The following KRIT1 variants were observed in gnomAD, a reference collection of about 807,000 sequenced individuals.
KRIT1 encodes krev interaction trapped protein 1.
A neutral mutation model predicts 95.8 loss-of-function variants in KRIT1; 45 were observed. That is an observed-to-expected ratio of 0.47 (90% CI 0.37 to 0.60). KRIT1 has a LOEUF of 0.60. Ranked by LOEUF, KRIT1 falls within the 20% of genes least tolerant of loss-of-function variation. The pLI, the probability that KRIT1 is intolerant of heterozygous loss-of-function variation, is 0.00. For missense variants in KRIT1, 788 were observed against 877.5 expected (o/e 0.90, Z 1.29); for synonymous variants, 282 against 278.8 (o/e 1.01, Z -0.11).
intron 14 of KRIT1, among the ~76,000 whole-genome samples, chr7:92,218,694 G>T (rs1052134480): frequency 4.6e-5 from 7 of 152,066 alleles, no homozygotes; most frequent in Admixed American, 2.6e-4. Flanking sequence ...TAATTGGGTT[G>T]TTGGCCTTTT....
At chr7:92,244,845 T>C (rs2131826008) in intron 2 of KRIT1, 57 bp downstream of exon 2, 1 of 152,218 alleles carries the variant, frequency 6.6e-6, no homozygotes, top group African/African-American at 2.4e-5. Context: ...CCCTAAGTAA[T>C]AAGATCTTAT....
chr7:92,206,040 G>C (rs1227077657), intron 17 of KRIT1: 1 of 152,944 alleles, frequency 6.5e-6, no homozygotes, highest in Non-Finnish European at 1.5e-5. Flanking sequence ...TGGGCTTGGA[G>C]AGAAGCCTGC....
intron 14 of KRIT1, among the ~76,000 whole-genome samples, chr7:92,221,620 T>C (rs1795168542): frequency 6.6e-6 from 1 of 152,204 alleles, no homozygotes; most frequent in African/African-American, 2.4e-5. Context: ...TCCTAACTAG[T>C]CTAAACAATT....
At chr7:92,213,422 T>C (rs1392985553) in intron 16 of KRIT1, 21 bp from the exon 17 acceptor site, 2 of 1,525,634 alleles carry the variant, frequency 1.3e-6, no homozygotes, top group South Asian at 1.1e-5. Flanking sequence ...ACAAGGTAAA[T>C]TAAAAATAAA....
intron 15 of KRIT1, among the ~76,000 whole-genome samples, chr7:92,214,281 A>G (rs1030028567): frequency 2.0e-5 from 3 of 152,068 alleles, no homozygotes; most frequent in Non-Finnish European, 2.9e-5. Context: ...ACATAAAACT[A>G]GTTTTTATGG....
chr7:92,216,192 G>A (rs1483831490), intron 14 of KRIT1, among the ~76,000 whole-genome samples: 4 of 145,822 alleles, frequency 2.7e-5, no homozygotes, highest in African/African-American at 7.6e-5. Context: ...TTGCACCAGT[G>A]CACTCCAGCC....
intron 17 of KRIT1, among the ~76,000 whole-genome samples, chr7:92,210,073 A>C (rs1283169229): frequency 6.6e-6 from 1 of 152,210 alleles, no homozygotes; most frequent in Non-Finnish European, 1.5e-5. Flanking sequence ...ACTCTATCTC[A>C]AAATCAATCA....
rs1335478074 is a variant in KRIT1, at chr7:92,240,995, C to T, written c.260G>A (p.Arg87Lys). 6.2e-7 allele frequency: 1 copy of T among 1,607,760 alleles called. No homozygotes were observed. Among genetic ancestry groups the T allele is most frequent in the African/African-American group, 1.3e-5 (1 of 74,806 alleles). The change falls in exon 5 of 19, where the codon AGA (arginine) becomes AAA (lysine). Residue 87 changes from arginine to lysine, a missense_variant and splice_region_variant. Physicochemically the swap from Arg to Lys is conservative, Grantham distance 26 (BLOSUM62 2). Transcript: ENST00000394505. ...TTTTTAAAAAAGAAGTTTCCTACCT[C>T]TGATACCCTGGTTTGCAGGAGAAAT... is the stretch of plus-strand genomic sequence containing the variant. Reference protein sequence around the residue: ...KPISPANQGIRGKRVVLMKKF... With the variant: ...KPISPANQGIKGKRVVLMKKF...
chr7:92,226,625 G>A lies in KRIT1; in HGVS notation c.1047C>T (p.Asn349=). ...GAGAACTAAGTTGTCCATTTAAAAGGTTTGGATTGCACTTTCCTTTCTCTA... is the reference window on the plus strand; with the variant it reads ...GAGAACTAAGTTGTCCATTTAAAAGATTTGGATTGCACTTTCCTTTCTCTA... ...ILLEKGKCNP[N]LLNGQLSSPL... The change falls in exon 11 of 19, where the codon AAC becomes AAT. Residue 349 remains asparagine, a synonymous_variant. Transcript: ENST00000394505. 1 of 1,613,084 alleles carries A rather than the reference G, an allele frequency of 6.2e-7. No homozygotes were observed. The highest frequency in any genetic ancestry group is 8.5e-7 in the Non-Finnish European group (1 of 1,179,326).
At position 92,237,685 on chromosome 7, in the gene KRIT1, C is replaced by A; in HGVS notation, c.337G>T (p.Val113Phe). The change falls in exon 6 of 19, where the codon GTT becomes TTT. Residue 113 changes from valine (V) to phenylalanine (F), a missense_variant. Coordinates refer to ENST00000394505, the MANE Select transcript of KRIT1 (RefSeq NM_194454.3). ...ACTTTACCTTTGACAACTGATGGAA[C>A]AATAAATAATGATGCTTCTCTGCCC... ...KMGREASLFI[V>F]PSVVKDNTKY... 6.2e-7 allele frequency: 1 copy of A among 1,600,288 alleles called. No homozygotes were observed. The highest frequency in any genetic ancestry group is 1.3e-5 in the African/African-American group (1 of 74,724).
chr7:92,231,625 G>T (rs530305837), intron 10 of KRIT1, among the ~76,000 whole-genome samples: 1 of 152,202 alleles, frequency 6.6e-6, no homozygotes, highest in South Asian at 2.1e-4. Flanking sequence ...CCCCTCCTCG[G>T]TCTTTGTACC....
At chr7:92,226,057 C>A (rs1246213343) in intron 11 of KRIT1, among the ~76,000 whole-genome samples, 2 of 152,256 alleles carry the variant, frequency 1.3e-5, no homozygotes, top group African/African-American at 4.8e-5. Context: ...AGTTCTGATA[C>A]AGACATAATA....
chr7:92,212,714 A>G (rs780194396), intron 17 of KRIT1, among the ~76,000 whole-genome samples: 1 of 152,214 alleles, frequency 6.6e-6, no homozygotes, highest in Non-Finnish European at 1.5e-5. Context: ...CAATCAGTCT[A>G]TAGGGCTTTG....
Position 92,213,970 on chromosome 7 carries a change from A to G in KRIT1, c.1740T>C (p.Asn580=). Residue 580 remains asparagine (N), a synonymous_variant, in exon 16 of 19, where the codon AAT becomes AAC. Transcript: ENST00000394505. The part of the protein sequence containing the change: ...KHKQGFLNEE[N]LKSIVPVTKL... Reference sequence around the variant, plus strand: ...TGGTAACAGGTACGATGGATTTTAGATTTTCTTCACTGTAAGCACACATGC... The same window carrying G: ...TGGTAACAGGTACGATGGATTTTAGGTTTTCTTCACTGTAAGCACACATGC... 1 of 1,602,902 alleles carries G rather than the reference A, an allele frequency of 6.2e-7. No individual in the cohort carries two copies. The highest frequency in any genetic ancestry group is 2.2e-5 in the East Asian group (1 of 44,664).
downstream of KRIT1, chr7:92,199,329 A>G (rs933906034): frequency 6.6e-6 from 1 of 152,256 alleles, no homozygotes; most frequent in Non-Finnish European, 1.5e-5. Context: ...CATTAAAAAT[A>G]AGCAGAAGTT....
In KRIT1 at chr7:92,200,387, C is replaced by A; in HGVS notation, c.*349G>T. On this transcript the variant is annotated 3_prime_UTR_variant, in exon 19 of 19. Coordinates refer to ENST00000394505, the MANE Select transcript of KRIT1 (RefSeq NM_194454.3). Reference sequence around the variant, plus strand: ...TTTTTTTTTTTGAGATGGAGTCTTGCTGTGTCACCCAGGCTAGCGTGCCGT... The same window carrying A: ...TTTTTTTTTTTGAGATGGAGTCTTGATGTGTCACCCAGGCTAGCGTGCCGT... 1 of 238,268 alleles carries A rather than the reference C, an allele frequency of 4.2e-6. No individual in the cohort carries two copies. The highest frequency in any genetic ancestry group is 5.8e-5 in the South Asian group (1 of 17,188). 14.8% of individuals were successfully genotyped at this position (238,268 alleles called of 1,614,324 possible). A position where few individuals can be genotyped will look rare whatever the true frequency, so the allele number is the denominator to read the frequency against.
In KRIT1 at chr7:92,236,518, G is replaced by T. The variant is rs1216285612; in HGVS notation, c.380C>A (p.Pro127Gln). ...VKDNTKYTYT[P>Q]GCPIFYCLQD... Reference sequence around the variant, plus strand: ...TAAGCAGTAAAAAATTGGGCATCCTGGGGTATATGTGTATTTAGTATTATC... The same window carrying T: ...TAAGCAGTAAAAAATTGGGCATCCTTGGGTATATGTGTATTTAGTATTATC... The change falls in exon 7 of 19, where the codon CCA (proline) becomes CAA (glutamine). Residue 127 changes from proline to glutamine, a missense_variant. This residue lies in a region of KRIT1 where 289 missense variants were observed against 277.5 expected (regional missense o/e 1.04). Transcript: ENST00000394505. 5 of 1,556,358 alleles carry T rather than the reference G, an allele frequency of 3.2e-6. No individual in the cohort carries two copies. In the South Asian group the frequency reaches 5.6e-5, roughly 17 times the overall value.
Position 92,237,711 on chromosome 7 carries a change from ATCT to A in KRIT1, c.308_310del (p.Lys103del), listed in dbSNP as rs778972394. ...AATAAATAATGATGCTTCTCTGCCC[ATCT>A]TCTCTCCATCCAGAGGAAATTTTTT... On this transcript the variant is annotated inframe_deletion, in exon 6 of 19. Coordinates refer to ENST00000394505, the MANE Select transcript of KRIT1 (RefSeq NM_194454.3). 6.2e-7 allele frequency: 1 copy of A among 1,609,254 alleles called. No homozygotes were observed. Among genetic ancestry groups the A allele is most frequent in the Non-Finnish European group, 8.5e-7 (1 of 1,175,858 alleles).
rs148328127 is a variant in KRIT1, at chr7:92,238,976, T to C, written c.263-1217A>G. ...AAATTTTAAGCCTAACTACTGCTAA[T>C]AGTCATTTGTGATTTTCATGTGATG... On this transcript the variant is annotated intron_variant, in intron 5 of 18. Coordinates refer to ENST00000394505, the MANE Select transcript of KRIT1 (RefSeq NM_194454.3). Among the ~76,000 whole-genome samples, 302 of 152,344 alleles carry C rather than the reference T, an allele frequency of 2.0e-3. 3 individuals carry two copies. The East Asian group carries it at 0.023, about 12-fold the overall frequency.
Sources: gnomAD v4.1 joint callset for allele counts (sites outside exome capture counted in the v4.1 genomes callset) on GRCh38, gnomAD v4.1.1 for gene constraint, gnomAD v4.1.1 regional missense constraint, MANE v1.5 for transcripts, NCBI Gene and HGNC (gene_info 2026-07-23, HGNC 2026-07-21) for gene names.